Variants in KCNIP1 observed in about 807,000 individuals in gnomAD.
KCNIP1 encodes the protein potassium voltage-gated channel interacting protein 1, also known as A-type potassium channel modulatory protein KCNIP1.
In KCNIP1, 18 loss-of-function variants were observed where a neutral mutation model predicts 33.0. The observed-to-expected ratio is 0.55, with a 90% CI of 0.38 to 0.81. The LOEUF (loss-of-function observed/expected upper bound fraction) is 0.81. Among genes scored for constraint, KCNIP1 ranks in the 30% least tolerant of loss-of-function variants. The probability of loss-of-function intolerance (pLI) is 0.00; values close to 1 mark genes in which losing one functional copy is unlikely to be tolerated. For synonymous variants in KCNIP1, 93 were observed against 98.3 expected (o/e 0.95, Z 0.32); for missense variants, 238 against 271.6 (o/e 0.88, Z 0.87).
chr5:170,618,727 G>A (rs905715435), intron 1 of KCNIP1, among the ~76,000 whole-genome samples: 2 of 152,104 alleles, frequency 1.3e-5, no homozygotes, highest in African/African-American at 2.4e-5. Flanking sequence ...CAGTTTCCTA[G>A]TCTGTCAAAT....
chr5:170,529,988 C>G (rs1561670578), intron 1 of KCNIP1, among the ~76,000 whole-genome samples: 2 of 152,180 alleles, frequency 1.3e-5, no homozygotes, highest in African/African-American at 2.4e-5. Context: ...GAATGCTCCT[C>G]CTCCTGATAG....
intron 1 of KCNIP1, among the ~76,000 whole-genome samples, chr5:170,379,908 C>T (rs1186564408): frequency 6.7e-6 from 1 of 150,272 alleles, no homozygotes; most frequent in East Asian, 1.9e-4. Flanking sequence ...GCTATGATCT[C>T]GCAACTACAC....
intron 1 of KCNIP1, among the ~76,000 whole-genome samples, chr5:170,594,114 G>A (rs1758361087): frequency 6.6e-6 from 1 of 152,192 alleles, no homozygotes; most frequent in Non-Finnish European, 1.5e-5. Context: ...ACTTTCCCTA[G>A]GAGACACAGC....
At chr5:170,652,317 C>G (rs983438399) in intron 1 of KCNIP1, among the ~76,000 whole-genome samples, 2 of 151,836 alleles carry the variant, frequency 1.3e-5, no homozygotes, top group Non-Finnish European at 1.5e-5. Context: ...AACCCCGTCT[C>G]TACTAAAAAT....
At chr5:170,481,853 C>G (rs924081636) in intron 1 of KCNIP1, among the ~76,000 whole-genome samples, 7 of 152,190 alleles carry the variant, frequency 4.6e-5, no homozygotes, top group Admixed American at 1.3e-4. Flanking sequence ...CAAGAAGGAA[C>G]TCATCCATGG....
chr5:170,566,634 G>T (rs760609206), intron 1 of KCNIP1, among the ~76,000 whole-genome samples: 1 of 152,186 alleles, frequency 6.6e-6, no homozygotes. Flanking sequence ...ATTGATAGAT[G>T]TAAACAGCAT....
intron 1 of KCNIP1, among the ~76,000 whole-genome samples, chr5:170,711,327 C>G (rs1658105910): frequency 6.6e-6 from 1 of 152,198 alleles, no homozygotes; most frequent in Non-Finnish European, 1.5e-5. Flanking sequence ...TGTGAGAACT[C>G]ATGTAAACAG....
chr5:170,641,138 C>T (rs1760532504), intron 1 of KCNIP1, among the ~76,000 whole-genome samples: 1 of 152,180 alleles, frequency 6.6e-6, no homozygotes, highest in Non-Finnish European at 1.5e-5. Context: ...CCTCTAGACA[C>T]ACCTTCATGC....
At chr5:170,588,743 G>A (rs77590302) in intron 1 of KCNIP1, among the ~76,000 whole-genome samples, 12,384 of 152,198 alleles carry the variant, frequency 0.081, 583 homozygotes, top group South Asian at 0.12. Context: ...CTGTGATTCG[G>A]TCTGGCTGTC....
chr5:170,505,149 A>T (rs1052824940), intron 1 of KCNIP1, among the ~76,000 whole-genome samples: 24 of 152,172 alleles, frequency 1.6e-4, no homozygotes, highest in African/African-American at 5.3e-4. Flanking sequence ...CAGGGGTAAA[A>T]CTCCCAGGCC....
At chr5:170,658,764 A>C (rs1378456507) in intron 1 of KCNIP1, among the ~76,000 whole-genome samples, 1 of 152,172 alleles carries the variant, frequency 6.6e-6, no homozygotes, top group Non-Finnish European at 1.5e-5. Flanking sequence ...AGAAGAAATC[A>C]ATGGAGCCAA....
intron 1 of KCNIP1, chr5:170,375,363 G>A (rs1001863910): frequency 1.3e-5 from 2 of 152,264 alleles, no homozygotes; most frequent in Admixed American, 1.3e-4. Context: ...GGTCCACCAG[G>A]TAAGAAACTG....
intron 1 of KCNIP1, among the ~76,000 whole-genome samples, chr5:170,452,739 A>T (rs374581529): frequency 6.6e-6 from 1 of 152,234 alleles, no homozygotes; most frequent in Non-Finnish European, 1.5e-5. Context: ...ACTCTCTGTC[A>T]GTTATTTGTC....
chr5:170,391,811 C>T (rs980476640), intron 1 of KCNIP1, among the ~76,000 whole-genome samples: 1 of 152,140 alleles, frequency 6.6e-6, no homozygotes. Context: ...ATACCTAGCC[C>T]CTCAGTGTTT....
chr5:170,439,054 G>A (rs1227020663), intron 1 of KCNIP1, among the ~76,000 whole-genome samples: 1 of 152,128 alleles, frequency 6.6e-6, no homozygotes, highest in Non-Finnish European at 1.5e-5. Context: ...GATCCTAGTG[G>A]TAGGGTGGAG....
intron 1 of KCNIP1, among the ~76,000 whole-genome samples, chr5:170,575,122 A>G (rs1380740924): frequency 2.0e-5 from 3 of 152,232 alleles, no homozygotes; most frequent in Non-Finnish European, 4.4e-5. Flanking sequence ...GGAAGCAGCA[A>G]TCCCATTTCA....
intron 1 of KCNIP1, among the ~76,000 whole-genome samples, chr5:170,646,055 T>C (rs1760769954): frequency 6.6e-6 from 1 of 152,138 alleles, no homozygotes; most frequent in African/African-American, 2.4e-5. Context: ...CAAGAAGAAA[T>C]AGATAATCTT....
At chr5:170,526,090 A>G (rs1042400318) in intron 1 of KCNIP1, among the ~76,000 whole-genome samples, 2 of 152,218 alleles carry the variant, frequency 1.3e-5, no homozygotes, top group African/African-American at 4.8e-5. Context: ...GCTCAGGGTC[A>G]TCAGGCACTT....
At chr5:170,545,277 CTT>C (rs1756369304) in intron 1 of KCNIP1, among the ~76,000 whole-genome samples, 1 of 151,960 alleles carries the variant, frequency 6.6e-6, no homozygotes, top group Non-Finnish European at 1.5e-5. Context: ...TGTCTTTTTT[CTT>C]TGTTACTGCT....
Sources: allele counts gnomAD v4.1 joint callset (sites outside exome capture counted in the v4.1 genomes callset), GRCh38; gene constraint gnomAD v4.1.1; transcripts MANE v1.5; gene names NCBI Gene and HGNC (gene_info 2026-07-23, HGNC 2026-07-21).